TFPI2: variants seen among roughly 807,000 people sequenced by gnomAD.
TFPI2 encodes placental protein 5.
Under a neutral mutation model 23.1 loss-of-function variants are expected in TFPI2, and 23 were observed. The ratio of observed to expected loss-of-function variants is 1.00; its 90% CI spans 0.72 to 1.41. The LOEUF (loss-of-function observed/expected upper bound fraction) is 1.41. Among genes scored for constraint, TFPI2 ranks in the 40% most tolerant of loss-of-function variants. TFPI2 has a pLI of 0.00. For synonymous variants in TFPI2, 119 were observed against 111.7 expected (o/e 1.07, Z -0.41); for missense variants, 291 against 299.6 (o/e 0.97, Z 0.21).
At position 93,889,045 on chromosome 7, in the gene TFPI2, T is replaced by C; in HGVS notation, c.450A>G (p.Ala150=). 1 of 1,597,392 alleles carries C rather than the reference T, an allele frequency of 6.3e-7. No individual in the cohort carries two copies. The highest frequency in any genetic ancestry group is 8.5e-7 in the Non-Finnish European group (1 of 1,175,646). ...PDEATCMGFC[A]PKKIPSFCYS... ...AAAAATCGTATTTACTTTTCTTTGG[T>C]GCGCAGAAGCCCATACAAGTAGCTT... The change falls in exon 3 of 5, where the codon GCA becomes GCG. Residue 150 remains alanine (A), a synonymous_variant. Coordinates refer to ENST00000222543, the MANE Select transcript of TFPI2 (RefSeq NM_006528.4).
rs753875527 is a variant in TFPI2, at chr7:93,890,200, C to T, written c.208G>A (p.Glu70Lys). 5 of 1,613,752 alleles carry T rather than the reference C, an allele frequency of 3.1e-6. No individual in the cohort carries two copies. Among genetic ancestry groups the T allele is most frequent in the South Asian group, 2.2e-5 (2 of 91,014 alleles). Reference protein sequence around the residue: ...SCRQFLYGGCEGNANNFYTWE... With the variant: ...SCRQFLYGGCKGNANNFYTWE... Reference sequence around the variant, plus strand: ...GTGTAGAAATTGTTGGCGTTGCCCTCGCAGCCCCCGTACAGGAACTGGCGG... The same window carrying T: ...GTGTAGAAATTGTTGGCGTTGCCCTTGCAGCCCCCGTACAGGAACTGGCGG... The change falls in exon 2 of 5, where the codon GAG (glutamate) becomes AAG (lysine). Residue 70 changes from glutamate to lysine, a missense_variant. Coordinates refer to ENST00000222543, the MANE Select transcript of TFPI2 (RefSeq NM_006528.4).
intron 3 of TFPI2, 47 bp from the exon 4 acceptor site, chr7:93,887,478 T>C (rs747160035): frequency 6.7e-7 from 1 of 1,488,912 alleles, no homozygotes; most frequent in South Asian, 1.2e-5. Context: ...ATACCAGAAT[T>C]TTTAAATTAT....
intron 4 of TFPI2, 113 bp from the exon 5 acceptor site, chr7:93,887,009 G>T: frequency 1.1e-6 from 1 of 875,760 alleles, no homozygotes; most frequent in Non-Finnish European, 1.7e-6. Context: ...TTTAAGGACT[G>T]TGAAGTCAAA....
intron 2 of TFPI2, chr7:93,889,772 A>C (rs1352495038): frequency 1.2e-5 from 2 of 173,420 alleles, no homozygotes; most frequent in Admixed American, 1.3e-4. Flanking sequence ...GAAGGAAATG[A>C]TGTACTCCAG....
intron 3 of TFPI2, among the ~76,000 whole-genome samples, chr7:93,888,591 G>A (rs868338331): frequency 2.5e-4 from 24 of 94,356 alleles, no homozygotes; most frequent in Non-Finnish European, 1.7e-4. Context: ...GAAGGAAAGA[G>A]AAAGAAAGAA....
chr7:93,890,363 C>G, intron 1 of TFPI2, 44 bp from the exon 2 acceptor site: 1 of 1,573,986 alleles, frequency 6.4e-7, no homozygotes, highest in Non-Finnish European at 8.7e-7. Context: ...GGAAAGTGGT[C>G]AGGCGTAGCT....
At chr7:93,888,607 G>GAAAGAA (rs1247111128) in intron 3 of TFPI2, among the ~76,000 whole-genome samples, 22 of 140,260 alleles carry the variant, frequency 1.6e-4, no homozygotes, top group African/African-American at 6.2e-4. Flanking sequence ...AAGAAAGAAA[G>GAAAGAA]AGAAAAAGAA....
chr7:93,887,250 A>G lies in TFPI2; in HGVS notation c.631+11T>C. ...GTTTATCTAAAGGTGGAATAAGAAA[A>G]CATTCACTACCTTTTGCACATGCAC... On this transcript the variant is annotated intron_variant, in intron 4 of 4. Coordinates refer to ENST00000222543, the MANE Select transcript of TFPI2 (RefSeq NM_006528.4). The G allele has an allele frequency of 2.5e-6, 4 of 1,587,330 alleles. No homozygotes were observed. Among genetic ancestry groups the G allele is most frequent in the Non-Finnish European group, 3.4e-6 (4 of 1,168,164 alleles).
At chr7:93,887,762 G>C (rs1345980031) in intron 3 of TFPI2, among the ~76,000 whole-genome samples, 1 of 152,120 alleles carries the variant, frequency 6.6e-6, no homozygotes, top group Non-Finnish European at 1.5e-5. Context: ...GGCATGATTT[G>C]GTAAATTTTG....
At chr7:93,889,439 A>G (rs75585307) in intron 2 of TFPI2, among the ~76,000 whole-genome samples, 106 of 152,136 alleles carry the variant, frequency 7.0e-4, no homozygotes, top group African/African-American at 2.5e-3. Flanking sequence ...TTTCAAGTTC[A>G]GTAGAAAGAC....
rs199631820 is a variant in TFPI2, at chr7:93,886,837, G to A, written c.691C>T (p.Arg231Trp). 153 of 1,552,810 alleles carry A rather than the reference G, an allele frequency of 9.9e-5. 1 individual carries two copies. The Middle Eastern group carries it at 1.4e-3, about 14-fold the overall frequency. ...LRFASRIRKI[R>W]KKQF ...AAGAATGTTTAAAATTGCTTCTTCC[G>A]AATTTTCCGGATTCTACTGGCAAAG... Residue 231 changes from arginine (R) to tryptophan (W), a missense_variant, in exon 5 of 5, where the codon CGG (arginine) becomes TGG (tryptophan). By Grantham distance (101) the Arg-to-Trp change is moderately radical (BLOSUM62 -3). Coordinates refer to ENST00000222543, the MANE Select transcript of TFPI2 (RefSeq NM_006528.4).
Position 93,890,308 on chromosome 7 carries a change from C to T in TFPI2, c.100G>A (p.Glu34Lys), listed in dbSNP as rs1794106215. The T allele has an allele frequency of 2.5e-6, 4 of 1,605,512 alleles. No individual in the cohort carries two copies. In the East Asian group the frequency reaches 9.0e-5, roughly 36 times the overall value. ...TAGTCTAGGGGCAGGAGACAGATCT[C>T]CGCGTTATTTCCTGAAGAAGGGGCA... ...AAQEPTGNNA[E>K]ICLLPLDYGP... Residue 34 changes from glutamate (E) to lysine (K), a missense_variant, in exon 2 of 5, where the codon GAG (glutamate) becomes AAG (lysine). Physicochemically the swap from Glu to Lys is moderately conservative, Grantham distance 56. Transcript: ENST00000222543.
chr7:93,887,328 A>G lies in TFPI2; in HGVS notation c.564T>C (p.Tyr188=), dbSNP rs1263102567. Residue 188 remains tyrosine, a synonymous_variant, in exon 4 of 5, where the codon TAT becomes TAC. Transcript: ENST00000222543. ...TATTGTCATTCCCTCCACAGCCAGT[A>G]TAGGTGAAAGCATCACAGGTTCTGT... The part of the protein sequence containing the change: ...PRYRTCDAFT[Y]TGCGGNDNNF... The G allele has an allele frequency of 3.1e-6, 5 of 1,613,780 alleles. No homozygotes were observed. Among genetic ancestry groups the G allele is most frequent in the South Asian group, 1.1e-5 (1 of 91,036 alleles).
chr7:93,889,142 CTTAGA>C lies in TFPI2; in HGVS notation c.348_352del (p.Asn116LysfsTer6), dbSNP rs950184560. The C allele has an allele frequency of 1.5e-5, 24 of 1,613,392 alleles. No individual in the cohort carries two copies. Among genetic ancestry groups the C allele is most frequent in the Non-Finnish European group, 1.9e-5 (22 of 1,179,840 alleles). On this transcript the variant is annotated frameshift_variant, in exon 3 of 5. Transcript: ENST00000222543. LOFTEE classifies it high-confidence loss of function. ...AAAGAATTTTTCACATGTCATGGAA[CTTAGA>C]TTAAAGAAATACTTTTCTGTGGACC...
rs1250664490 is a variant in TFPI2, at chr7:93,885,903, A to G, written c.*917T>C. 6.6e-6 allele frequency: 1 copy of G among 152,060 alleles called. No homozygotes were observed. The highest frequency in any genetic ancestry group is 2.4e-5 in the African/African-American group (1 of 41,438). The allele number at this position is 152,060 out of a possible 1,614,324, so 9.4% of individuals were successfully genotyped here. A position where few individuals can be genotyped will look rare whatever the true frequency, so the allele number is the denominator to read the frequency against. ...TATGAAAACATAAGAATTTAGAAAA[A>G]TTGTTTTATTACAGAGAAAGAAAAA... On this transcript the variant is annotated 3_prime_UTR_variant, in exon 5 of 5. Coordinates refer to ENST00000222543, the MANE Select transcript of TFPI2 (RefSeq NM_006528.4).
At chr7:93,888,789 T>TGCACTCCAGTG (rs941170110) in intron 3 of TFPI2, among the ~76,000 whole-genome samples, 2 of 152,088 alleles carry the variant, frequency 1.3e-5, no homozygotes, top group African/African-American at 4.8e-5. Context: ...ATTGTGCCAC[T>TGCACTCCAGTG]GCACTCCAGC....
chr7:93,885,407 TTTTA>T lies in TFPI2; in HGVS notation c.*1409_*1412del, dbSNP rs1158318907. On this transcript the variant is annotated 3_prime_UTR_variant, in exon 5 of 5. Coordinates refer to ENST00000222543, the MANE Select transcript of TFPI2 (RefSeq NM_006528.4). The stretch of plus-strand genomic sequence containing the variant: ...AATGCTTAAAGAAATGCTTTTTCTT[TTTTA>T]TTTAATTTTGATTATTAATTATGTC... The T allele has an allele frequency of 6.6e-6, 1 of 152,074 alleles. No homozygotes were observed. The highest frequency in any genetic ancestry group is 1.5e-5 in the Non-Finnish European group (1 of 67,944). 9.4% of individuals were successfully genotyped at this position (152,074 alleles called of 1,614,324 possible). A position where few individuals can be genotyped will look rare whatever the true frequency, so the allele number is the denominator to read the frequency against.
chr7:93,890,396 G>C, intron 1 of TFPI2, 77 bp from the exon 2 acceptor site: 1 of 1,519,020 alleles, frequency 6.6e-7, no homozygotes, highest in Non-Finnish European at 8.9e-7. Context: ...GAACATCCCG[G>C]GGAGTTCTGT....
In TFPI2 at chr7:93,889,173, C is replaced by T. The variant is rs1302491336; in HGVS notation, c.322G>A (p.Gly108Arg). ...LQVSVDDQCE[G>R]STEKYFFNLS... ...TTAAAGAAATACTTTTCTGTGGACC[C>T]CTCACACTGGTCGTCCACACTCACT... The change falls in exon 3 of 5, where the codon GGG becomes AGG. Residue 108 changes from glycine (G) to arginine (R), a missense_variant. By Grantham distance (125) the Gly-to-Arg change is moderately radical. Transcript: ENST00000222543. 6.2e-7 allele frequency: 1 copy of T among 1,609,884 alleles called. No individual in the cohort carries two copies. Among genetic ancestry groups the T allele is most frequent in the Non-Finnish European group, 8.5e-7 (1 of 1,178,466 alleles).
Sources: allele counts gnomAD v4.1 joint callset (sites outside exome capture counted in the v4.1 genomes callset), GRCh38; gene constraint gnomAD v4.1.1; transcripts MANE v1.5; gene names NCBI Gene and HGNC (gene_info 2026-07-23, HGNC 2026-07-21).